Variants in CNTNAP2 observed in about 807,000 individuals in gnomAD.
The protein encoded by CNTNAP2 is contactin associated protein 2.
Under a neutral mutation model 155.2 loss-of-function variants are expected in CNTNAP2, and 98 were observed. That is an observed-to-expected ratio of 0.63 (90% CI 0.54 to 0.75). CNTNAP2 has a LOEUF of 0.75. Ranked by LOEUF, CNTNAP2 falls within the 30% of genes least tolerant of loss-of-function variation. The pLI, the probability that CNTNAP2 is intolerant of heterozygous loss-of-function variation, is 0.00. For synonymous variants in CNTNAP2, 651 were observed against 631.2 expected, an observed-to-expected ratio of 1.03 and a Z score of -0.47; for missense variants, 1,727 against 1,688.1, an observed-to-expected ratio of 1.02 and a Z score of -0.40.
chr7:147,619,122 T>A (rs993120529), intron 12 of CNTNAP2, among the ~76,000 whole-genome samples: 6 of 152,252 alleles, frequency 3.9e-5, no homozygotes, highest in African/African-American at 1.4e-4. Context: ...AGACAGATAC[T>A]AAATTCTCAG....
intron 1 of CNTNAP2, among the ~76,000 whole-genome samples, chr7:146,449,910 T>C (rs1238061472): frequency 6.6e-6 from 1 of 152,170 alleles, no homozygotes; most frequent in Non-Finnish European, 1.5e-5. Flanking sequence ...TTATTTTTAT[T>C]AGTGATGTAC....
intron 3 of CNTNAP2, among the ~76,000 whole-genome samples, chr7:146,945,760 C>A (rs896858405): frequency 6.6e-6 from 1 of 152,060 alleles, no homozygotes; most frequent in African/African-American, 2.4e-5. Flanking sequence ...TGCTGCTTTT[C>A]TTAAAATCCA....
intron 4 of CNTNAP2, among the ~76,000 whole-genome samples, chr7:147,091,142 C>G (rs918474940): frequency 6.6e-6 from 1 of 152,030 alleles, no homozygotes; most frequent in African/African-American, 2.4e-5. Flanking sequence ...CATGGAGTCT[C>G]TTAGATTCCT....
intron 12 of CNTNAP2, among the ~76,000 whole-genome samples, chr7:147,610,615 C>A (rs1283669790): frequency 6.6e-6 from 1 of 152,082 alleles, no homozygotes; most frequent in Non-Finnish European, 1.5e-5. Flanking sequence ...AGGACGTGCC[C>A]TGTGAATAGA....
intron 8 of CNTNAP2, among the ~76,000 whole-genome samples, chr7:147,163,511 C>T (rs1802065687): frequency 1.3e-5 from 2 of 152,148 alleles, no homozygotes; most frequent in Non-Finnish European, 1.5e-5. Flanking sequence ...CCTTAATCTC[C>T]TATCTCCTAT....
At position 147,226,436 on chromosome 7, in the gene CNTNAP2, C is replaced by T. The variant is rs143144179; in HGVS notation, c.1349-73705C>T. ...TTAGGACTTCATCGTGTAGTTGAAA[C>T]GTCATGCCATGGCTTGGAAATATCA... On this transcript the variant is annotated intron_variant, in intron 8 of 23. Coordinates refer to ENST00000361727, the MANE Select transcript of CNTNAP2 (RefSeq NM_014141.6). Among the ~76,000 whole-genome samples the T allele has an allele frequency of 5.9e-5, 9 of 152,062 alleles. No homozygotes were observed. In the East Asian group the frequency reaches 1.4e-3, roughly 23 times the overall value.
chr7:147,325,198 G>T (rs1563161148), intron 9 of CNTNAP2, among the ~76,000 whole-genome samples: 2 of 152,098 alleles, frequency 1.3e-5, no homozygotes, highest in African/African-American at 4.8e-5. Context: ...TACTCAGGAG[G>T]CTGAGGCAGG....
At chr7:147,002,297 G>A (rs979635936) in intron 3 of CNTNAP2, among the ~76,000 whole-genome samples, 1 of 152,030 alleles carries the variant, frequency 6.6e-6, no homozygotes, top group Non-Finnish European at 1.5e-5. Flanking sequence ...TGAAGGTTCT[G>A]CAGCTTCCTG....
chr7:146,479,974 G>A (rs1044884947), intron 1 of CNTNAP2, among the ~76,000 whole-genome samples: 1 of 151,930 alleles, frequency 6.6e-6, no homozygotes, highest in South Asian at 2.1e-4. Flanking sequence ...TAGTAGATAC[G>A]GGGTTTCACC....
intron 1 of CNTNAP2, among the ~76,000 whole-genome samples, chr7:146,467,200 A>G (rs1026443382): frequency 6.6e-6 from 1 of 152,132 alleles, no homozygotes; most frequent in Non-Finnish European, 1.5e-5. Flanking sequence ...GTATATTACC[A>G]CTTCTTAACT....
intron 1 of CNTNAP2, among the ~76,000 whole-genome samples, chr7:146,699,285 G>A (rs1486693393): frequency 6.6e-6 from 1 of 152,176 alleles, no homozygotes; most frequent in African/African-American, 2.4e-5. Context: ...GTAGCTATAT[G>A]TGACAGAGAC....
At chr7:148,023,297 T>A (rs1802317864) in intron 15 of CNTNAP2, among the ~76,000 whole-genome samples, 1 of 152,174 alleles carries the variant, frequency 6.6e-6, no homozygotes, top group Admixed American at 6.5e-5. Flanking sequence ...TGTGACTAAG[T>A]TTCACTGAAT....
chr7:147,159,912 A>T (rs563451696), intron 8 of CNTNAP2, among the ~76,000 whole-genome samples: 1 of 151,736 alleles, frequency 6.6e-6, no homozygotes, highest in African/African-American at 2.4e-5. Context: ...TATGAATCAT[A>T]CTTTTTTATA....
intron 15 of CNTNAP2, among the ~76,000 whole-genome samples, chr7:148,056,920 C>T (rs1380813434): frequency 2.6e-5 from 4 of 152,118 alleles, no homozygotes; most frequent in Non-Finnish European, 5.9e-5. Flanking sequence ...CTTTTAGAGC[C>T]CAATCCTCAT....
At chr7:148,286,891 A>G (rs951800293) in intron 21 of CNTNAP2, among the ~76,000 whole-genome samples, 2 of 152,180 alleles carry the variant, frequency 1.3e-5, no homozygotes, top group Non-Finnish European at 2.9e-5. Flanking sequence ...TTCTCTTCTT[A>G]TTAACATCTT....
chr7:146,996,764 G>C (rs1798316121), intron 3 of CNTNAP2, among the ~76,000 whole-genome samples: 1 of 152,182 alleles, frequency 6.6e-6, no homozygotes, highest in Non-Finnish European at 1.5e-5. Flanking sequence ...AGCGGTGAAA[G>C]CAGATGATAT....
chr7:146,314,283 G>C (rs1800873781), intron 1 of CNTNAP2, among the ~76,000 whole-genome samples: 1 of 152,118 alleles, frequency 6.6e-6, no homozygotes, highest in South Asian at 2.1e-4. Context: ...TGTTTGTCCA[G>C]CCTGCTGTCT....
At chr7:146,622,031 T>C (rs1563160272) in intron 1 of CNTNAP2, among the ~76,000 whole-genome samples, 3 of 152,132 alleles carry the variant, frequency 2.0e-5, no homozygotes, top group Non-Finnish European at 4.4e-5. Flanking sequence ...ACTCTTTCAG[T>C]TGCCCTGTGT....
intron 1 of CNTNAP2, among the ~76,000 whole-genome samples, chr7:146,370,537 C>T (rs924145929): frequency 2.6e-5 from 4 of 151,876 alleles, no homozygotes; most frequent in South Asian, 2.1e-4. Context: ...TACAAGATGT[C>T]GAGACTTTGT....
Sources: gnomAD v4.1 joint callset for allele counts (sites outside exome capture counted in the v4.1 genomes callset) on GRCh38, gnomAD v4.1.1 for gene constraint, MANE v1.5 for transcripts, NCBI Gene and HGNC (gene_info 2026-07-23, HGNC 2026-07-21) for gene names.